Variants in JAG2 observed in about 807,000 individuals in gnomAD.
JAG2 encodes jagged canonical Notch ligand 2.
Under a neutral mutation model 141.7 loss-of-function variants are expected in JAG2, and 46 were observed. The ratio of observed to expected loss-of-function variants is 0.32; its 90% CI spans 0.26 to 0.42. The LOEUF is 0.42. Ranked by LOEUF, JAG2 falls within the 10% of genes least tolerant of loss-of-function variation. JAG2 has a pLI of 1.00. For synonymous variants in JAG2, 862 were observed against 763.5 expected, an observed-to-expected ratio of 1.13 and a Z score of -2.13; for missense variants, 1,500 against 1,817.5, an observed-to-expected ratio of 0.83 and a Z score of 3.18.
At chr14:105,146,013 A>G in intron 22 of JAG2, 40 bp from the exon 23 acceptor site, 1 of 1,577,852 alleles carries the variant, frequency 6.3e-7, no homozygotes, top group Non-Finnish European at 8.6e-7. Flanking sequence ...GCAGGCGCAC[A>G]GGAGGGTCAG....
intron 2 of JAG2, among the ~76,000 whole-genome samples, chr14:105,166,426 G>T (rs587658821): frequency 2.0e-5 from 3 of 152,364 alleles, no homozygotes; most frequent in African/African-American, 7.2e-5. Context: ...GGGGCGAGGG[G>T]CTGGGCTTCT....
intron 10 of JAG2, 38 bp from the exon 11 acceptor site, chr14:105,150,949 T>C (rs750353330): frequency 1.9e-6 from 3 of 1,594,034 alleles, no homozygotes; most frequent in African/African-American, 2.7e-5. Flanking sequence ...CGGGGTCCCA[T>C]GTGCCTCGGC....
chr14:105,149,466 C>T, intron 12 of JAG2, 146 bp from the exon 13 acceptor site: 4 of 945,908 alleles, frequency 4.2e-6, no homozygotes, highest in African/African-American at 3.3e-5. Flanking sequence ...GAGCCCAAGA[C>T]CCCTGCCCAC....
In JAG2 at chr14:105,142,309, G is replaced by A. The variant is rs1481292160; in HGVS notation, c.*386C>T. On this transcript the variant is annotated 3_prime_UTR_variant, in exon 26 of 26. Transcript: ENST00000331782. ...CACCAACACAGCCATGGGTCTCACC[G>A]GCACTTTGGCCTGGAGCCACAGAGA... The A allele has an allele frequency of 3.3e-5, 7 of 211,664 alleles. No individual in the cohort carries two copies. Among genetic ancestry groups the A allele is most frequent in the Non-Finnish European group, 4.7e-5 (5 of 106,192 alleles). The allele number at this position is 211,664 out of a possible 1,614,324, so 13.1% of individuals were successfully genotyped here.
intron 5 of JAG2, among the ~76,000 whole-genome samples, chr14:105,155,048 C>T (rs1387037271): frequency 1.4e-5 from 2 of 147,462 alleles, no homozygotes; most frequent in African/African-American, 2.5e-5. Context: ...CACAGCCTCC[C>T]GTCTGGTGCT....
Position 105,149,085 on chromosome 14 carries a change from GATCAC to G in JAG2, c.1754-1_1757del. ...GCCCCGCGTCTGACCCGCAGCCATC[GATCAC>G]TATGGCAGGCAGTACAGTCAGGAGT... On this transcript the variant is annotated splice_acceptor_variant and coding_sequence_variant, in exon 14 of 26. Transcript: ENST00000331782. LOFTEE classifies it high-confidence loss of function. The G allele has an allele frequency of 6.2e-7, 1 of 1,608,178 alleles. No individual in the cohort carries two copies. Among genetic ancestry groups the G allele is most frequent in the Non-Finnish European group, 8.5e-7 (1 of 1,178,354 alleles).
Position 105,142,982 on chromosome 14 carries a change from G to A in JAG2, c.3430C>T (p.His1144Tyr), listed in dbSNP as rs1020953248. ...TTGCACTGGTAGAGCACGTCCTTGT[G>A]GCCCCCCGGCCGCTCAATGGGGTTG... ...IRNPIERPGG[H>Y]KDVLYQCKNF... The change falls in exon 26 of 26, where the codon CAC (histidine) becomes TAC (tyrosine). Residue 1144 changes from histidine (H) to tyrosine (Y), a missense_variant. His to Tyr is a moderately conservative substitution (Grantham distance 83). Around this residue, in one of 3 missense-constraint regions of JAG2, gnomAD observed 425 missense variants for 441.0 expected, o/e 0.96. Coordinates refer to ENST00000331782, the MANE Select transcript of JAG2 (RefSeq NM_002226.5). 1 of 1,609,644 alleles carries A rather than the reference G, an allele frequency of 6.2e-7. No individual in the cohort carries two copies. The highest frequency in any genetic ancestry group is 1.7e-5 in the Admixed American group (1 of 59,974).
Position 105,146,714 on chromosome 14 carries a change from C to T in JAG2, c.2490G>A (p.Glu830=). 6.2e-7 allele frequency: 1 copy of T among 1,612,298 alleles called. No individual in the cohort carries two copies. ...AGPDCRINID[E]CQSSPCAYGA... Reference sequence around the variant, plus strand: ...CGTAGGCACAGGGCGAGGACTGGCACTCGTCGATGTCTGCAGGGAGAGCCA... The same window carrying T: ...CGTAGGCACAGGGCGAGGACTGGCATTCGTCGATGTCTGCAGGGAGAGCCA... Residue 830 remains glutamate (E), a synonymous_variant, in exon 21 of 26, where the codon GAG becomes GAA. Coordinates refer to ENST00000331782, the MANE Select transcript of JAG2 (RefSeq NM_002226.5).
chr14:105,156,526 G>T (rs892421878), intron 3 of JAG2, among the ~76,000 whole-genome samples: 1 of 152,148 alleles, frequency 6.6e-6, no homozygotes, highest in African/African-American at 2.4e-5. Flanking sequence ...GACAGGCATA[G>T]GTCCCGTGAC....
At chr14:105,146,751 T>A in intron 20 of JAG2, 27 bp from the exon 21 acceptor site, 1 of 1,574,900 alleles carries the variant, frequency 6.3e-7, no homozygotes, top group Non-Finnish European at 8.7e-7. Flanking sequence ...CGCTGCTCAG[T>A]GCAGTGAGGC....
At position 105,143,569 on chromosome 14, in the gene JAG2, C is replaced by T. The variant is rs374324090; in HGVS notation, c.3154G>A (p.Ala1052Thr). The T allele has an allele frequency of 1.2e-5, 20 of 1,601,286 alleles. No individual in the cohort carries two copies. The highest frequency in any genetic ancestry group is 6.7e-5 in the African/African-American group (5 of 74,894). ...GAGCTGTTCCCCCGCTGGGTGATGG[C>T]GGCCACGATGGCGTGGGCCGCGCCC... Reference protein sequence around the residue: ...IQGAAHAIVAAITQRGNSSLL... With the variant: ...IQGAAHAIVATITQRGNSSLL... Residue 1052 changes from alanine (A) to threonine (T), a missense_variant, in exon 25 of 26, where the codon GCC (alanine) becomes ACC (threonine). Physicochemically the swap from Ala to Thr is moderately conservative, Grantham distance 58. This residue lies in a region of JAG2 where 425 missense variants were observed against 441.0 expected (regional missense o/e 0.96). Coordinates refer to ENST00000331782, the MANE Select transcript of JAG2 (RefSeq NM_002226.5).
rs752646275 is a variant in JAG2, at chr14:105,149,199, C to T, written c.1724G>A (p.Arg575His). 53 of 1,611,832 alleles carry T rather than the reference C, an allele frequency of 3.3e-5. No homozygotes were observed. The highest frequency in any genetic ancestry group is 1.1e-4 in the East Asian group (5 of 44,840). ...DFGGKNCSVP[R>H]EPCPGGACRV... ...GCAGGCCCCGCCAGGGCACGGCTCG[C>T]GGGGCACGGAGCAGTTCTTGCCACC... The change falls in exon 13 of 26, where the codon CGC becomes CAC. Residue 575 changes from arginine to histidine, a missense_variant. By Grantham distance (29) the Arg-to-His change is conservative. This residue lies in a region of JAG2 where 875 missense variants were observed against 1,202.2 expected (regional missense o/e 0.73). Coordinates refer to ENST00000331782, the MANE Select transcript of JAG2 (RefSeq NM_002226.5).
rs1331749946 is a variant in JAG2 at position 105,167,970 on chromosome 14, G to C, written c.204C>G (p.Asp68Glu). The change falls in exon 2 of 26, where the codon GAC becomes GAG. Residue 68 changes from aspartate to glutamate, a missense_variant. Physicochemically the swap from Asp to Glu is conservative, Grantham distance 45. Around this residue, in one of 3 missense-constraint regions of JAG2, gnomAD observed 200 missense variants for 174.3 expected, o/e 1.15. Transcript: ENST00000331782. This position sits in a 1 kb window ranked among gnomAD's most constrained non-coding sequence, Gnocchi z 4.8. ...RAGGCGHDECDTYVRVCLKEY... is the reference protein window; with the variant it reads ...RAGGCGHDECETYVRVCLKEY... ...CCTTAAGGCACACGCGCACGTACGTGTCGCACTCGTCGTGGCCGCAGCCCC... is the reference window on the plus strand; with the variant it reads ...CCTTAAGGCACACGCGCACGTACGTCTCGCACTCGTCGTGGCCGCAGCCCC... 1 of 1,603,892 alleles carries C rather than the reference G, an allele frequency of 6.2e-7. No homozygotes were observed. Among genetic ancestry groups the C allele is most frequent in the Non-Finnish European group, 8.5e-7 (1 of 1,177,952 alleles).
In JAG2 at chr14:105,147,881, G is replaced by A. The variant is rs1473371622; in HGVS notation, c.2256C>T (p.Asn752=). The stretch of plus-strand genomic sequence containing the variant: ...CACAGGGGTTGGGCAGGCAGCTGCT[G>A]TTCTTGGCTGTAAGGAGAGGAGGAG... ...WKGSTCAVAK[N]SSCLPNPCVN... The change falls in exon 18 of 26, where the codon AAC becomes AAT. Residue 752 remains asparagine, a synonymous_variant. Coordinates refer to ENST00000331782, the MANE Select transcript of JAG2 (RefSeq NM_002226.5). 1 of 1,551,690 alleles carries A rather than the reference G, an allele frequency of 6.4e-7. No individual in the cohort carries two copies. The highest frequency in any genetic ancestry group is 1.4e-5 in the African/African-American group (1 of 73,252).
chr14:105,161,726 T>A (rs1181340480), intron 2 of JAG2, among the ~76,000 whole-genome samples: 1 of 152,102 alleles, frequency 6.6e-6, no homozygotes, highest in East Asian at 1.9e-4. Context: ...ATTTGCCTCT[T>A]CTGTGAATAA....
At chr14:105,155,125 C>T (rs1177133438) in intron 5 of JAG2, among the ~76,000 whole-genome samples, 1 of 151,648 alleles carries the variant, frequency 6.6e-6, no homozygotes, top group African/African-American at 2.4e-5. Flanking sequence ...CCAGCAGCCC[C>T]TTCCTCTGTC....
At chr14:105,165,212 C>T (rs1344562843) in intron 2 of JAG2, among the ~76,000 whole-genome samples, 2 of 152,172 alleles carry the variant, frequency 1.3e-5, no homozygotes, top group African/African-American at 4.8e-5. Flanking sequence ...CTGCTCCTCC[C>T]TCAGCCAGCA....
At chr14:105,162,814 C>T (rs1171892194) in intron 2 of JAG2, among the ~76,000 whole-genome samples, 1 of 150,310 alleles carries the variant, frequency 6.7e-6, no homozygotes, top group Non-Finnish European at 1.5e-5. Context: ...CACTCCAGGT[C>T]CAGGGCACCC....
At chr14:105,157,110 G>A (rs587717039) in intron 3 of JAG2, among the ~76,000 whole-genome samples, 72 of 152,210 alleles carry the variant, frequency 4.7e-4, no homozygotes, top group Middle Eastern at 6.8e-3. Context: ...TCCTCGGTCT[G>A]TGTCCTGGCC....
Sources: allele counts gnomAD v4.1 joint callset (sites outside exome capture counted in the v4.1 genomes callset), GRCh38; gene constraint gnomAD v4.1.1; regional missense constraint gnomAD v4.1.1; non-coding constraint Gnocchi (gnomAD v3.1); transcripts MANE v1.5; gene names NCBI Gene and HGNC (gene_info 2026-07-23, HGNC 2026-07-21).